Variants in DLG2 observed in about 807,000 individuals in gnomAD.
DLG2 encodes the protein discs large MAGUK scaffold protein 2, also known as disks large homolog 2.
DLG2 carries 45 observed loss-of-function variants against 132.5 expected under a neutral mutation model. The ratio of observed to expected loss-of-function variants is 0.34; its 90% CI spans 0.27 to 0.44. The LOEUF (loss-of-function observed/expected upper bound fraction) is 0.44, where lower values mean the gene tolerates loss of function less well. Among genes scored for constraint, DLG2 ranks in the 20% least tolerant of loss-of-function variants. The pLI is 1.00. For missense variants in DLG2, 1,045 were observed against 1,196.9 expected, an observed-to-expected ratio of 0.87 and a Z score of 1.87; for synonymous variants, 424 against 419.6, an observed-to-expected ratio of 1.01 and a Z score of -0.13.
intron 14 of DLG2, among the ~76,000 whole-genome samples, chr11:83,961,070 C>T (rs755069970): frequency 2.0e-5 from 3 of 152,046 alleles, no homozygotes; most frequent in Non-Finnish European, 4.4e-5. Flanking sequence ...ATTAAGATTA[C>T]AGTAAGTATA....
intron 18 of DLG2, among the ~76,000 whole-genome samples, chr11:83,672,913 T>A (rs534616156): frequency 5.5e-4 from 84 of 151,944 alleles, no homozygotes; most frequent in Admixed American, 9.2e-4. Flanking sequence ...TGCAAAAAAA[T>A]TAGCTGGATG....
chr11:83,671,064 T>G (rs1207638305), intron 18 of DLG2, among the ~76,000 whole-genome samples: 1 of 152,216 alleles, frequency 6.6e-6, no homozygotes, highest in Admixed American at 6.5e-5. Context: ...AATTTAATTT[T>G]TAAAAATTTT....
chr11:83,879,314 A>G (rs1268643112), intron 15 of DLG2, among the ~76,000 whole-genome samples: 1 of 152,210 alleles, frequency 6.6e-6, no homozygotes, highest in African/African-American at 2.4e-5. Flanking sequence ...TGATAACAAT[A>G]AAGTTACTTA....
chr11:85,434,729 A>G (rs1236450890), intron 3 of DLG2, among the ~76,000 whole-genome samples: 2 of 152,188 alleles, frequency 1.3e-5, no homozygotes, highest in East Asian at 3.8e-4. Context: ...ATTCCCAGCC[A>G]AATTCTACCA....
At chr11:83,922,514 A>G (rs2078143773) in intron 15 of DLG2, among the ~76,000 whole-genome samples, 1 of 152,166 alleles carries the variant, frequency 6.6e-6, no homozygotes, top group African/African-American at 2.4e-5. Context: ...GAAATAAAGA[A>G]TTCTTTAAGA....
intron 7 of DLG2, among the ~76,000 whole-genome samples, chr11:84,333,193 G>A (rs1204381152): frequency 1.3e-5 from 2 of 152,192 alleles, no homozygotes; most frequent in African/African-American, 2.4e-5. Flanking sequence ...CCAATGAAAG[G>A]TCTTTTGGAA....
At chr11:83,886,951 G>A (rs1319247775) in intron 15 of DLG2, among the ~76,000 whole-genome samples, 3 of 151,996 alleles carry the variant, frequency 2.0e-5, no homozygotes, top group African/African-American at 7.2e-5. Context: ...TCAAAGCAGT[G>A]TGTAGAGGGA....
intron 4 of DLG2, among the ~76,000 whole-genome samples, chr11:85,160,590 G>T (rs984140042): frequency 2.0e-5 from 3 of 152,092 alleles, no homozygotes; most frequent in African/African-American, 7.2e-5. Context: ...TCACAGAGTG[G>T]GTCATGCACA....
At chr11:83,941,000 C>T (rs528737364) in intron 14 of DLG2, among the ~76,000 whole-genome samples, 281 of 152,332 alleles carry the variant, frequency 1.8e-3, no homozygotes, top group Non-Finnish European at 3.4e-3. Flanking sequence ...GATGTGAATT[C>T]ATTCATGAGA....
intron 11 of DLG2, among the ~76,000 whole-genome samples, chr11:83,982,665 T>A (rs1031869201): frequency 6.6e-6 from 1 of 152,110 alleles, no homozygotes; most frequent in Non-Finnish European, 1.5e-5. Flanking sequence ...ATAAACTTAA[T>A]CTAGCCTAAG....
rs570920126 is a variant in DLG2 at position 84,500,681 on chromosome 11, G to T, written c.519+33889C>A. 2.6e-5 allele frequency among the ~76,000 whole-genome samples: 4 copies of T among 152,210 alleles called. No homozygotes were observed. The South Asian group carries it at 8.3e-4, about 32-fold the overall frequency. On this transcript the variant is annotated intron_variant, in intron 7 of 27. Coordinates refer to ENST00000376104, the MANE Select transcript of DLG2 (RefSeq NM_001142699.3). ...GGAAGTGTCCCTGTTTTGAATTGGA[G>T]ACAAAAAAGTAGAAGATATGTGAAG...
At chr11:85,086,298 G>A (rs1403929157) in intron 6 of DLG2, among the ~76,000 whole-genome samples, 2 of 152,166 alleles carry the variant, frequency 1.3e-5, no homozygotes, top group African/African-American at 2.4e-5. Flanking sequence ...TTCCCTCCAT[G>A]TCTGACACTA....
intron 16 of DLG2, among the ~76,000 whole-genome samples, chr11:83,847,564 C>A (rs1595368652): frequency 6.6e-6 from 1 of 152,234 alleles, no homozygotes; most frequent in African/African-American, 2.4e-5. Flanking sequence ...TAGGCTGAGG[C>A]CTGTTTTCTA....
intron 6 of DLG2, chr11:84,687,030 G>A (rs1037568183): frequency 4.0e-5 from 6 of 151,842 alleles, no homozygotes; most frequent in African/African-American, 1.5e-4. Flanking sequence ...GCCATCTTCT[G>A]TTTGTTTCTA....
intron 20 of DLG2, among the ~76,000 whole-genome samples, chr11:83,536,980 C>T (rs191324751): frequency 1.1e-4 from 16 of 152,176 alleles, no homozygotes; most frequent in African/African-American, 3.9e-4. Context: ...AAGGCTTTCA[C>T]CTAAAGAAAT....
chr11:83,736,251 T>G (rs2091876587), intron 18 of DLG2, among the ~76,000 whole-genome samples: 1 of 152,204 alleles, frequency 6.6e-6, no homozygotes, highest in East Asian at 1.9e-4. Flanking sequence ...TGATTGGTCA[T>G]GTGTCCCTGA....
At chr11:84,466,089 A>G (rs2099093657) in intron 7 of DLG2, among the ~76,000 whole-genome samples, 1 of 151,314 alleles carries the variant, frequency 6.6e-6, no homozygotes, top group South Asian at 2.1e-4. Flanking sequence ...TAAAAAAAGG[A>G]ATTTTTAAAT....
chr11:83,801,477 T>C (rs989585587), intron 17 of DLG2, among the ~76,000 whole-genome samples: 6 of 152,242 alleles, frequency 3.9e-5, no homozygotes, highest in Admixed American at 3.3e-4. Context: ...TATTCCACTC[T>C]GTCTTCTTTA....
At chr11:84,292,265 C>G (rs775095265) in intron 7 of DLG2, among the ~76,000 whole-genome samples, 1 of 152,110 alleles carries the variant, frequency 6.6e-6, no homozygotes, top group Middle Eastern at 3.2e-3. Flanking sequence ...TTATTCTCAC[C>G]TCATGCCTAT....
Sources: gnomAD v4.1 joint callset for allele counts (sites outside exome capture counted in the v4.1 genomes callset) on GRCh38, gnomAD v4.1.1 for gene constraint, MANE v1.5 for transcripts, NCBI Gene and HGNC (gene_info 2026-07-23, HGNC 2026-07-21) for gene names.